WDR7: variants seen among roughly 807,000 people sequenced by gnomAD.
WDR7 encodes WD repeat domain 7, also known as WD repeat-containing protein 7.
Under a neutral mutation model 169.4 loss-of-function variants are expected in WDR7, and 46 were observed. That is an observed-to-expected ratio of 0.27 (90% CI 0.21 to 0.35). The LOEUF (loss-of-function observed/expected upper bound fraction) is 0.35, where lower values mean the gene tolerates loss of function less well. Among genes scored for constraint, WDR7 ranks in the 10% least tolerant of loss-of-function variants. WDR7 has a pLI of 1.00. For synonymous variants in WDR7, 612 were observed against 666.8 expected (o/e 0.92, Z 1.27); for missense variants, 1,534 against 1,859.3 (o/e 0.83, Z 3.22).
intron 2 of WDR7, among the ~76,000 whole-genome samples, chr18:56,673,160 G>GAC (rs36051303): frequency 0.77 from 112,951 of 146,934 alleles, 46,150 homozygotes; most frequent in Non-Finnish European, 0.92. Flanking sequence ...AGGAGCTGGG[G>GAC]ACACACACAC....
chr18:56,739,069 G>T (rs2043572644), intron 14 of WDR7, among the ~76,000 whole-genome samples: 1 of 149,478 alleles, frequency 6.7e-6, no homozygotes, highest in African/African-American at 2.5e-5. Flanking sequence ...CTCTTCTCTT[G>T]ACTATTATGG....
At chr18:56,699,094 A>C (rs1267400302) in intron 12 of WDR7, among the ~76,000 whole-genome samples, 1 of 152,256 alleles carries the variant, frequency 6.6e-6, no homozygotes, top group South Asian at 2.1e-4. Flanking sequence ...TTCTTATTCA[A>C]AAGTCCTGAT....
intron 19 of WDR7, among the ~76,000 whole-genome samples, chr18:56,798,378 A>T (rs1368983331): frequency 2.6e-5 from 4 of 152,188 alleles, no homozygotes; most frequent in African/African-American, 2.4e-5. Flanking sequence ...CTTAACCTGC[A>T]GCGATTTTAC....
chr18:56,661,577 G>A lies in WDR7; in HGVS notation c.-20+10001G>A, dbSNP rs144444220. Among the ~76,000 whole-genome samples the A allele has an allele frequency of 5.9e-5, 9 of 152,188 alleles. No homozygotes were observed. The East Asian group carries it at 1.7e-3, about 29-fold the overall frequency. ...TCATTCCACATGTTCCTTTGAAACCGAACACTGGGGCTTCCTTTAACCAAG... is the reference window on the plus strand; with the variant it reads ...TCATTCCACATGTTCCTTTGAAACCAAACACTGGGGCTTCCTTTAACCAAG... On this transcript the variant is annotated intron_variant, in intron 1 of 27. Transcript: ENST00000254442.
chr18:56,860,253 T>C (rs2045783389), intron 20 of WDR7, among the ~76,000 whole-genome samples: 1 of 152,184 alleles, frequency 6.6e-6, no homozygotes, highest in Non-Finnish European at 1.5e-5. Context: ...TAACCATTAA[T>C]ACTTTATAGC....
At chr18:56,658,698 T>C (rs2024833979) in intron 1 of WDR7, among the ~76,000 whole-genome samples, 1 of 152,110 alleles carries the variant, frequency 6.6e-6, no homozygotes. Context: ...TTCACACGAA[T>C]GAAATATCAC....
Position 56,985,331 on chromosome 18 carries a change from A to G in WDR7, c.4164+22802A>G, listed in dbSNP as rs568237780. 7.2e-5 allele frequency among the ~76,000 whole-genome samples: 11 copies of G among 152,332 alleles called. 1 individual carries two copies. In the South Asian group the frequency reaches 2.3e-3, roughly 32 times the overall value. The stretch of plus-strand genomic sequence containing the variant: ...TTAAAATAATAGGCTAAGGAAAAGA[A>G]TATTTTGCATTAACATTAGGCTTGA... On this transcript the variant is annotated intron_variant, in intron 26 of 27. Transcript: ENST00000254442.
intron 21 of WDR7, among the ~76,000 whole-genome samples, chr18:56,896,905 A>G (rs889492105): frequency 3.3e-5 from 5 of 151,878 alleles, no homozygotes; most frequent in Admixed American, 3.3e-4. Flanking sequence ...AAGAGAAACA[A>G]AAAGTGATTG....
At chr18:56,715,001 A>G (rs1480693166) in intron 12 of WDR7, among the ~76,000 whole-genome samples, 1 of 152,188 alleles carries the variant, frequency 6.6e-6, no homozygotes, top group Non-Finnish European at 1.5e-5. Context: ...GTAATAATGT[A>G]GAGTTTTTAA....
At position 56,857,843 on chromosome 18, in the gene WDR7, C is replaced by T. The variant is rs371390729; in HGVS notation, c.3305-22101C>T. On this transcript the variant is annotated intron_variant, in intron 20 of 27. Transcript: ENST00000254442. ...CAGCTAGCAGACCTGCAGCCCAAAA[C>T]GCTGTGTAGAGGTTTGTCACTCTAA... 8.3e-4 allele frequency among the ~76,000 whole-genome samples: 127 copies of T among 152,232 alleles called. 1 individual carries two copies. In the South Asian group the frequency reaches 0.015, roughly 17 times the overall value.
intron 25 of WDR7, among the ~76,000 whole-genome samples, chr18:56,958,714 T>C (rs1166827838): frequency 6.6e-6 from 1 of 152,102 alleles, no homozygotes. Flanking sequence ...TCTAGAAGGG[T>C]CATGGGAGAG....
chr18:56,869,597 AG>A (rs778773584), intron 20 of WDR7, among the ~76,000 whole-genome samples: 1 of 152,240 alleles, frequency 6.6e-6, no homozygotes, highest in Non-Finnish European at 1.5e-5. Context: ...ACACAAGATT[AG>A]CTATACACAC....
chr18:56,882,576 A>G (rs867332143), intron 21 of WDR7, among the ~76,000 whole-genome samples: 2 of 152,344 alleles, frequency 1.3e-5, no homozygotes, highest in South Asian at 2.1e-4. Context: ...CAAACTTCCC[A>G]TTAAAAATCA....
At chr18:56,873,616 A>T (rs2045982993) in intron 20 of WDR7, 2 of 152,254 alleles carry the variant, frequency 1.3e-5, no homozygotes, top group Non-Finnish European at 2.9e-5. Context: ...CAGAGGCTGA[A>T]CGGCTGGGGT....
intron 19 of WDR7, among the ~76,000 whole-genome samples, chr18:56,803,523 C>T (rs948312202): frequency 2.6e-5 from 4 of 151,808 alleles, no homozygotes; most frequent in Admixed American, 2.0e-4. Flanking sequence ...AAACATGTAT[C>T]GTAAGACGTC....
At chr18:56,869,894 A>G (rs896522876) in intron 20 of WDR7, among the ~76,000 whole-genome samples, 3 of 152,300 alleles carry the variant, frequency 2.0e-5, no homozygotes, top group Middle Eastern at 3.4e-3. Flanking sequence ...TAATATTCAT[A>G]TAAACACATT....
intron 13 of WDR7, among the ~76,000 whole-genome samples, chr18:56,725,604 G>T (rs2026430799): frequency 6.6e-6 from 1 of 152,158 alleles, no homozygotes; most frequent in African/African-American, 2.4e-5. Flanking sequence ...TCTGTAGGTT[G>T]CCTGTTCACT....
chr18:56,915,716 A>G (rs2046615395), intron 21 of WDR7, among the ~76,000 whole-genome samples: 1 of 152,204 alleles, frequency 6.6e-6, no homozygotes, highest in Non-Finnish European at 1.5e-5. Flanking sequence ...GGGTGTTTGA[A>G]AAATTCTCTA....
chr18:56,829,643 G>GA (rs1447526827), intron 20 of WDR7, among the ~76,000 whole-genome samples: 1 of 151,982 alleles, frequency 6.6e-6, no homozygotes, highest in African/African-American at 2.4e-5. Context: ...TGCAAGGAGG[G>GA]AAAAAAAGCA....
Sources: allele counts gnomAD v4.1 joint callset (sites outside exome capture counted in the v4.1 genomes callset), GRCh38; gene constraint gnomAD v4.1.1; transcripts MANE v1.5; gene names NCBI Gene and HGNC (gene_info 2026-07-23, HGNC 2026-07-21).